The following COL11A1 variants were observed in gnomAD, a reference collection of about 807,000 sequenced individuals.
COL11A1 encodes collagen alpha-1(XI) chain.
Under a neutral mutation model 265.2 loss-of-function variants are expected in COL11A1, and 74 were observed. The observed-to-expected ratio is 0.28, with a 90% CI of 0.23 to 0.34. COL11A1 has a LOEUF of 0.34. Among genes scored for constraint, COL11A1 ranks in the 10% least tolerant of loss-of-function variants. The pLI is 1.00. For synonymous variants in COL11A1, 816 were observed against 727.6 expected, an observed-to-expected ratio of 1.12 and a Z score of -1.96; for missense variants, 2,165 against 2,263.6, an observed-to-expected ratio of 0.96 and a Z score of 0.88.
chr1:103,003,966 T>A (rs1338111997), intron 20 of COL11A1, among the ~76,000 whole-genome samples: 4 of 152,154 alleles, frequency 2.6e-5, no homozygotes, highest in Admixed American at 6.6e-5. Context: ...GGAGGCCTAT[T>A]TCCAGTTTAG....
chr1:103,082,389 A>C (rs907494289), intron 2 of COL11A1, among the ~76,000 whole-genome samples: 2 of 152,054 alleles, frequency 1.3e-5, no homozygotes, highest in African/African-American at 4.8e-5. Context: ...ATGCCCATTA[A>C]ATTAACTTAG....
chr1:102,915,524 G>A, intron 50 of COL11A1, 107 bp downstream of exon 50: 1 of 941,900 alleles, frequency 1.1e-6, no homozygotes, highest in South Asian at 1.3e-5. Context: ...AGTTGGGAAG[G>A]GAAAGTAAAA....
At chr1:103,016,468 T>C (rs1035304217) in intron 11 of COL11A1, among the ~76,000 whole-genome samples, 1 of 151,982 alleles carries the variant, frequency 6.6e-6, no homozygotes, top group Non-Finnish European at 1.5e-5. Context: ...ATACATCTGT[T>C]GATAAGTATG....
In COL11A1 at chr1:103,025,888, T is replaced by G; in HGVS notation, c.898-275A>C. 4 of 1,613,340 alleles carry G rather than the reference T, an allele frequency of 2.5e-6. 1 individual carries two copies. The South Asian group carries it at 3.3e-5, about 13-fold the overall frequency. ...TTCAGATTTGGGGGGTGTAAACTTTTTGGATTTTTCCTTTGATTTAGTAGC... is the reference window on the plus strand; with the variant it reads ...TTCAGATTTGGGGGGTGTAAACTTTGTGGATTTTTCCTTTGATTTAGTAGC... On this transcript the variant is annotated intron_variant, in intron 6 of 66. Coordinates refer to ENST00000370096, the MANE Select transcript of COL11A1 (RefSeq NM_001854.4).
At chr1:102,943,893 C>G (rs529189457) in intron 42 of COL11A1, among the ~76,000 whole-genome samples, 1 of 152,216 alleles carries the variant, frequency 6.6e-6, no homozygotes, top group South Asian at 2.1e-4. Flanking sequence ...ATCTTTGCAT[C>G]CAGTAACTAA....
chr1:103,104,811 A>C (rs1674565301), intron 1 of COL11A1, among the ~76,000 whole-genome samples: 2 of 152,338 alleles, frequency 1.3e-5, no homozygotes, highest in Middle Eastern at 3.4e-3. Context: ...ATTTCTTATC[A>C]GAAGCATATC....
At chr1:103,017,679 ATGT>A (rs1666673450) in intron 11 of COL11A1, 138 bp downstream of exon 11, 1 of 724,316 alleles carries the variant, frequency 1.4e-6, no homozygotes, top group Non-Finnish European at 2.5e-6. Context: ...GTTAACTAAA[ATGT>A]TGTGCAGCAC....
At chr1:103,021,663 A>C (rs1438908289) in intron 9 of COL11A1, 44 bp downstream of exon 9, 1 of 1,278,276 alleles carries the variant, frequency 7.8e-7, no homozygotes, top group Non-Finnish European at 1.1e-6. Context: ...GTGGCTCATA[A>C]GCAATTTTAC....
intron 57 of COL11A1, among the ~76,000 whole-genome samples, chr1:102,894,911 G>T (rs772243653): frequency 2.9e-4 from 44 of 152,108 alleles, no homozygotes; most frequent in Non-Finnish European, 6.0e-4. Context: ...GAGTAGCTGG[G>T]ATTACAGGCG....
chr1:102,919,592 T>C (rs1459543430), intron 49 of COL11A1, among the ~76,000 whole-genome samples: 1 of 152,040 alleles, frequency 6.6e-6, no homozygotes, highest in East Asian at 1.9e-4. Flanking sequence ...TAGTTTATTT[T>C]TTAAAGCACG....
intron 3 of COL11A1, among the ~76,000 whole-genome samples, chr1:103,075,188 A>G (rs867378509): frequency 2.8e-4 from 43 of 152,262 alleles, no homozygotes; most frequent in Admixed American, 2.6e-3. Context: ...CATTTAAAAA[A>G]ACTCCGCTCT....
chr1:102,915,650 G>A lies in COL11A1; in HGVS notation c.3797C>T (p.Pro1266Leu). 1 of 1,613,324 alleles carries A rather than the reference G, an allele frequency of 6.2e-7. No homozygotes were observed. The highest frequency in any genetic ancestry group is 1.1e-5 in the South Asian group (1 of 91,056). ...ACTTACGCCTACACCTGCTTCCCCA[G>A]GAGGCCCTGGGTTCCCTGCTTCTCC... ...EPGEAGNPGP[P>L]GEAGVGGPKG... Residue 1266 changes from proline (P) to leucine (L), a missense_variant, in exon 50 of 67, where the codon CCT becomes CTT. Pro to Leu is a moderately conservative substitution (Grantham distance 98). Coordinates refer to ENST00000370096, the MANE Select transcript of COL11A1 (RefSeq NM_001854.4).
At position 102,886,848 on chromosome 1, in the gene COL11A1, G is replaced by A. The variant is rs1651041675; in HGVS notation, c.4817C>T (p.Thr1606Ile). 1.2e-6 allele frequency: 2 copies of A among 1,613,820 alleles called. No homozygotes were observed. Among genetic ancestry groups the A allele is most frequent in the Non-Finnish European group, 1.7e-6 (2 of 1,179,864 alleles). ...PMGTQTNPARTCKDLQLSHPD... is the reference protein window; with the variant it reads ...PMGTQTNPARICKDLQLSHPD... ...ATGGCTGAGTTGCAGGTCTTTACAA[G>A]TTCGGGCTGGATTGGTCTGAGTACC... Residue 1606 changes from threonine to isoleucine, a missense_variant, in exon 63 of 67, where the codon ACT (threonine) becomes ATT (isoleucine). By Grantham distance (89) the Thr-to-Ile change is moderately conservative (BLOSUM62 -1). Transcript: ENST00000370096.
chr1:102,981,820 A>C (rs577988466), intron 31 of COL11A1, among the ~76,000 whole-genome samples: 1 of 152,102 alleles, frequency 6.6e-6, no homozygotes, highest in East Asian at 1.9e-4. Flanking sequence ...TTATTTTAGA[A>C]ACAGCTATCA....
intron 4 of COL11A1, among the ~76,000 whole-genome samples, chr1:103,051,405 T>G (rs1230785872): frequency 2.0e-5 from 3 of 152,186 alleles, no homozygotes; most frequent in African/African-American, 2.4e-5. Flanking sequence ...CTCTGAGCCA[T>G]GTGCGGGATA....
At chr1:102,927,952 A>G (rs901655928) in intron 46 of COL11A1, among the ~76,000 whole-genome samples, 7 of 152,116 alleles carry the variant, frequency 4.6e-5, no homozygotes, top group African/African-American at 1.7e-4. Flanking sequence ...GTAAAGAGTC[A>G]TAGGTCGAGT....
chr1:103,053,944 A>G (rs1670031251), intron 4 of COL11A1, among the ~76,000 whole-genome samples: 1 of 152,230 alleles, frequency 6.6e-6, no homozygotes, highest in Non-Finnish European at 1.5e-5. Flanking sequence ...TCTATATTAA[A>G]GAAATTCAAC....
At chr1:102,975,834 C>T (rs1000845673) in intron 35 of COL11A1, among the ~76,000 whole-genome samples, 4 of 152,228 alleles carry the variant, frequency 2.6e-5, no homozygotes, top group African/African-American at 9.6e-5. Context: ...ATTTATCAAT[C>T]TAGCCTTCCC....
Position 103,022,803 on chromosome 1 carries a change from C to CTT in COL11A1, c.1182_1183dup (p.Ser395LysfsTer23). On this transcript the variant is annotated frameshift_variant, in exon 8 of 67. Transcript: ENST00000370096. LOFTEE classifies it high-confidence loss of function. ...TGGACCAAATTCTTCATTAGGGGGG[C>CTT]TTGTTGGTTTATCTTCATATTCTTT... 6.2e-7 allele frequency: 1 copy of CTT among 1,613,688 alleles called. No individual in the cohort carries two copies. Among genetic ancestry groups the CTT allele is most frequent in the Non-Finnish European group, 8.5e-7 (1 of 1,179,918 alleles).
Sources: allele counts gnomAD v4.1 joint callset (sites outside exome capture counted in the v4.1 genomes callset), GRCh38; gene constraint gnomAD v4.1.1; transcripts MANE v1.5; gene names NCBI Gene and HGNC (gene_info 2026-07-23, HGNC 2026-07-21).